The following ST6GALNAC3 variants were observed in gnomAD, a reference collection of about 807,000 sequenced individuals.
The protein encoded by ST6GALNAC3 is ST6 N-acetylgalactosaminide alpha-2,6-sialyltransferase 3, also known as alpha-N-acetylgalactosaminide alpha-2,6-sialyltransferase 3.
Under a neutral mutation model 32.7 loss-of-function variants are expected in ST6GALNAC3, and 25 were observed. The ratio of observed to expected loss-of-function variants is 0.76; its 90% CI spans 0.56 to 1.07. ST6GALNAC3 has a LOEUF of 1.07. Among genes scored for constraint, ST6GALNAC3 ranks in the 50% least tolerant of loss-of-function variants. The probability of loss-of-function intolerance (pLI) is 0.00; values close to 1 mark genes in which losing one functional copy is unlikely to be tolerated. For missense variants in ST6GALNAC3, 355 were observed against 382.4 expected (o/e 0.93, Z 0.60); for synonymous variants, 129 against 133.1 (o/e 0.97, Z 0.21).
intron 1 of ST6GALNAC3, among the ~76,000 whole-genome samples, chr1:76,219,472 C>T (rs1195930461): frequency 1.3e-5 from 2 of 152,174 alleles, no homozygotes; most frequent in African/African-American, 4.8e-5. Context: ...GATGTGAACC[C>T]TCTGCCTGGT....
intron 3 of ST6GALNAC3, among the ~76,000 whole-genome samples, chr1:76,520,067 C>G (rs1318372777): frequency 6.6e-6 from 1 of 151,904 alleles, no homozygotes; most frequent in Non-Finnish European, 1.5e-5. Flanking sequence ...TCTATATTAA[C>G]TCTCATTTTC....
In ST6GALNAC3 at chr1:76,510,356, T is replaced by C. The variant is rs1403376511; in HGVS notation, c.623+97939T>C. ...CTTCACCAAAAATATCTTGAGGACTTTGTGCCAGGTGGGTGCTAGGAAAAA... is the reference window on the plus strand; with the variant it reads ...CTTCACCAAAAATATCTTGAGGACTCTGTGCCAGGTGGGTGCTAGGAAAAA... On this transcript the variant is annotated intron_variant, in intron 3 of 4. Transcript: ENST00000328299. Among the ~76,000 whole-genome samples, 3 of 151,960 alleles carry C rather than the reference T, an allele frequency of 2.0e-5. No homozygotes were observed. In the East Asian group the frequency reaches 5.8e-4, roughly 29 times the overall value.
At chr1:76,239,319 G>A (rs1484208230) in intron 1 of ST6GALNAC3, among the ~76,000 whole-genome samples, 2 of 152,264 alleles carry the variant, frequency 1.3e-5, no homozygotes, top group East Asian at 3.9e-4. Context: ...CGTGGAGGAA[G>A]GGGGAAGGAT....
chr1:76,215,654 C>T (rs1278531070), intron 1 of ST6GALNAC3, among the ~76,000 whole-genome samples: 3 of 152,096 alleles, frequency 2.0e-5, no homozygotes. Context: ...AATCTTGGAG[C>T]GTATCAGGAA....
Position 76,565,770 on chromosome 1 carries a change from C to G in ST6GALNAC3, c.624-61682C>G, listed in dbSNP as rs558288880. ...ATTCAATGATGTTTATCACTCTCCC[C>G]CTGCCGCTGCAGTCCTACCCTGCAC... On this transcript the variant is annotated intron_variant, in intron 3 of 4. Coordinates refer to ENST00000328299, the MANE Select transcript of ST6GALNAC3 (RefSeq NM_152996.4). Among the ~76,000 whole-genome samples, 7 of 152,290 alleles carry G rather than the reference C, an allele frequency of 4.6e-5. No homozygotes were observed. In the East Asian group the frequency reaches 9.7e-4, roughly 21 times the overall value.
chr1:76,224,220 G>A (rs537617318), intron 1 of ST6GALNAC3, among the ~76,000 whole-genome samples: 2 of 152,254 alleles, frequency 1.3e-5, no homozygotes, highest in South Asian at 4.1e-4. Flanking sequence ...TGTCTGGAGA[G>A]ATTTTATTTA....
intron 2 of ST6GALNAC3, among the ~76,000 whole-genome samples, chr1:76,338,042 C>T (rs917138994): frequency 6.6e-6 from 1 of 152,132 alleles, no homozygotes; most frequent in African/African-American, 2.4e-5. Flanking sequence ...AGTTAGAAAG[C>T]CAACAGCTGC....
At chr1:76,563,283 G>A (rs922495014) in intron 3 of ST6GALNAC3, among the ~76,000 whole-genome samples, 1 of 152,180 alleles carries the variant, frequency 6.6e-6, no homozygotes, top group Non-Finnish European at 1.5e-5. Context: ...TGAGCCAGAG[G>A]TGAAATTAAA....
intron 3 of ST6GALNAC3, among the ~76,000 whole-genome samples, chr1:76,610,286 G>A (rs1398494302): frequency 6.6e-6 from 1 of 152,100 alleles, no homozygotes; most frequent in African/African-American, 2.4e-5. Context: ...TTACTGATGA[G>A]GCTTCAAATG....
intron 1 of ST6GALNAC3, among the ~76,000 whole-genome samples, chr1:76,243,629 A>G (rs1308861507): frequency 2.0e-5 from 3 of 152,206 alleles, no homozygotes; most frequent in African/African-American, 7.2e-5. Context: ...TAATTTTTGT[A>G]TAAGGCATAA....
At chr1:76,156,673 C>T (rs966600785) in intron 1 of ST6GALNAC3, among the ~76,000 whole-genome samples, 4 of 152,146 alleles carry the variant, frequency 2.6e-5, no homozygotes, top group Admixed American at 1.3e-4. Context: ...CTACAAGATA[C>T]TCCAGGATTA....
rs139121472 is a variant in ST6GALNAC3 at position 76,623,755 on chromosome 1, A to G, written c.624-3697A>G. ...TTTGTTGTAGTTTTCATTGAAACTT[A>G]AAGGTCTAGTTGTGTGTAATTTATA... is the stretch of plus-strand genomic sequence containing the variant. On this transcript the variant is annotated intron_variant, in intron 3 of 4. Transcript: ENST00000328299. Among the ~76,000 whole-genome samples the G allele has an allele frequency of 2.0e-5, 3 of 152,104 alleles. No homozygotes were observed. The East Asian group carries it at 5.8e-4, about 29-fold the overall frequency.
intron 2 of ST6GALNAC3, among the ~76,000 whole-genome samples, chr1:76,377,982 AC>A (rs1276769041): frequency 6.6e-6 from 1 of 152,140 alleles, no homozygotes; most frequent in Non-Finnish European, 1.5e-5. Flanking sequence ...ACCCTTTGAT[AC>A]TTCCCTCGTT....
intron 1 of ST6GALNAC3, among the ~76,000 whole-genome samples, chr1:76,147,937 T>A (rs1463231663): frequency 6.6e-6 from 1 of 152,230 alleles, no homozygotes; most frequent in African/African-American, 2.4e-5. Context: ...TCTCTCTTTG[T>A]ATGGGTCCCT....
chr1:76,247,873 G>A lies in ST6GALNAC3; in HGVS notation c.19-65932G>A, dbSNP rs138108600. Among the ~76,000 whole-genome samples, 1,143 of 151,878 alleles carry A rather than the reference G, an allele frequency of 7.5e-3. 18 individuals carry two copies. The highest frequency in any genetic ancestry group is 0.019 in the Admixed American group (295 of 15,262). The stretch of plus-strand genomic sequence containing the variant: ...GGGTTTCCAGATGCCACTGGGATAC[G>A]AAAAAACTCCTGCAGCTAGCTTGGT... On this transcript the variant is annotated intron_variant, in intron 1 of 4. Transcript: ENST00000328299.
Position 76,610,974 on chromosome 1 carries a change from G to A in ST6GALNAC3, c.624-16478G>A, listed in dbSNP as rs571138877. Among the ~76,000 whole-genome samples, 5 of 152,240 alleles carry A rather than the reference G, an allele frequency of 3.3e-5. No individual in the cohort carries two copies. The South Asian group carries it at 1.0e-3, about 32-fold the overall frequency. On this transcript the variant is annotated intron_variant, in intron 3 of 4. Transcript: ENST00000328299. ...CCTGGTGTTTGTTCAATAAAGATGTGTGTTGTCTTTCCTTGTTTTTATGCA... is the reference window on the plus strand; with the variant it reads ...CCTGGTGTTTGTTCAATAAAGATGTATGTTGTCTTTCCTTGTTTTTATGCA...
chr1:76,573,088 A>G (rs1320179141), intron 3 of ST6GALNAC3, among the ~76,000 whole-genome samples: 1 of 152,046 alleles, frequency 6.6e-6, no homozygotes. Context: ...ATGGGGAAAT[A>G]GGCTTAATCA....
intron 1 of ST6GALNAC3, among the ~76,000 whole-genome samples, chr1:76,179,135 T>C (rs1653023348): frequency 6.6e-6 from 1 of 152,214 alleles, no homozygotes; most frequent in Admixed American, 6.5e-5. Flanking sequence ...ACTAGGAGTG[T>C]CCCAGCCTGG....
At chr1:76,619,137 C>T (rs1648478885) in intron 3 of ST6GALNAC3, among the ~76,000 whole-genome samples, 1 of 152,068 alleles carries the variant, frequency 6.6e-6, no homozygotes, top group Non-Finnish European at 1.5e-5. Flanking sequence ...AATACCATTC[C>T]TTCTCCCAGA....
Sources: gnomAD v4.1 joint callset for allele counts (sites outside exome capture counted in the v4.1 genomes callset) on GRCh38, gnomAD v4.1.1 for gene constraint, MANE v1.5 for transcripts, NCBI Gene and HGNC (gene_info 2026-07-23, HGNC 2026-07-21) for gene names.